Variants in PTGES3 observed in about 807,000 individuals in gnomAD.
PTGES3 encodes Hsp90 co-chaperone.
In PTGES3, 5 loss-of-function variants were observed where a neutral mutation model predicts 29.9. The ratio of observed to expected loss-of-function variants is 0.17; its 90% CI spans 0.09 to 0.35. The LOEUF (loss-of-function observed/expected upper bound fraction) is 0.35. PTGES3 is among the 10% of genes least tolerant of loss of function. The pLI is 1.00. For missense variants in PTGES3, 128 were observed against 190.0 expected (o/e 0.67, Z 1.92); for synonymous variants, 49 against 57.8 (o/e 0.85, Z 0.69).
At chr12:56,680,353 G>C (rs1039624124) in intron 1 of PTGES3, among the ~76,000 whole-genome samples, 1 of 151,520 alleles carries the variant, frequency 6.6e-6, no homozygotes, top group African/African-American at 2.4e-5. Flanking sequence ...GGGATTATAG[G>C]TGTGAGTCAC....
chr12:56,669,007 ATTTTTTT>A (rs577249197), intron 5 of PTGES3, among the ~76,000 whole-genome samples: 1 of 97,074 alleles, frequency 1.0e-5, no homozygotes, highest in African/African-American at 4.0e-5. Context: ...TTCACCATGA[ATTTTTTT>A]TTTTTTTTTT....
chr12:56,683,914 C>A (rs1205946430), intron 1 of PTGES3, among the ~76,000 whole-genome samples: 1 of 148,532 alleles, frequency 6.7e-6, no homozygotes, highest in Admixed American at 6.8e-5. Flanking sequence ...GAGCCGAGAT[C>A]GCGCCACTGC....
chr12:56,676,586 TAA>T (rs1163052357), intron 1 of PTGES3, among the ~76,000 whole-genome samples: 10 of 152,022 alleles, frequency 6.6e-5, no homozygotes, highest in African/African-American at 7.2e-5. Context: ...GTAATTTTTT[TAA>T]AAAAAGAGTG....
chr12:56,688,071 A>C lies in PTGES3; in HGVS notation c.-72T>G, dbSNP rs556493231. ...GGCGGCGGCTGCTGCTAGGGAGTCG[A>C]CTTCTCTCCGGTGGCGACTCCGCTT... is the stretch of plus-strand genomic sequence containing the variant. On this transcript the variant is annotated 5_prime_UTR_variant, in exon 1 of 8. Transcript: ENST00000262033. The C allele has an allele frequency of 1.1e-5, 16 of 1,442,338 alleles. No individual in the cohort carries two copies. In the Admixed American group the frequency reaches 2.9e-4, roughly 26 times the overall value. 89.3% of individuals were successfully genotyped at this position (1,442,338 alleles called of 1,614,324 possible).
chr12:56,664,194 C>T lies in PTGES3; in HGVS notation c.*285G>A, dbSNP rs372378981. On this transcript the variant is annotated 3_prime_UTR_variant, in exon 8 of 8. Transcript: ENST00000262033. ...ACTTAGGTGAGATGTTTTTATTTAT[C>T]GCAACTGCTGCATTAATTGCCTAGG... 24 of 273,134 alleles carry T rather than the reference C, an allele frequency of 8.8e-5. No homozygotes were observed. The highest frequency in any genetic ancestry group is 4.3e-4 in the African/African-American group (19 of 43,988). The allele number at this position is 273,134 out of a possible 1,614,324, so 16.9% of individuals were successfully genotyped here. A position where few individuals can be genotyped will look rare whatever the true frequency, so the allele number is the denominator to read the frequency against.
At chr12:56,676,015 C>A (rs550398432) in intron 1 of PTGES3, among the ~76,000 whole-genome samples, 1 of 151,964 alleles carries the variant, frequency 6.6e-6, no homozygotes, top group East Asian at 1.9e-4. Flanking sequence ...TCACCTGGGG[C>A]TGGGAGTTTG....
In PTGES3 at chr12:56,663,906, T is replaced by C. The variant is rs763215280; in HGVS notation, c.*573A>G. 6.5e-6 allele frequency: 1 copy of C among 152,904 alleles called. No homozygotes were observed. Among genetic ancestry groups the C allele is most frequent in the South Asian group, 2.1e-4 (1 of 4,852 alleles). The allele number at this position is 152,904 out of a possible 1,614,324, so 9.5% of individuals were successfully genotyped here. A position where few individuals can be genotyped will look rare whatever the true frequency, so the allele number is the denominator to read the frequency against. ...TTCAAAAACCATCTAAGTTAGGGCATTCTCTAGTTTTAGCTAAGATACACC... is the reference window on the plus strand; with the variant it reads ...TTCAAAAACCATCTAAGTTAGGGCACTCTCTAGTTTTAGCTAAGATACACC... On this transcript the variant is annotated 3_prime_UTR_variant, in exon 8 of 8. Transcript: ENST00000262033.
At chr12:56,678,254 A>AG (rs1952361114) in intron 1 of PTGES3, among the ~76,000 whole-genome samples, 1 of 151,980 alleles carries the variant, frequency 6.6e-6, no homozygotes, top group Non-Finnish European at 1.5e-5. Flanking sequence ...CTCGGCTCAC[A>AG]GCAGCTTCTG....
Position 56,688,060 on chromosome 12 carries a change from C to T in PTGES3, c.-61G>A. The stretch of plus-strand genomic sequence containing the variant: ...CGGGCCTCTCTGGCGGCGGCTGCTG[C>T]TAGGGAGTCGACTTCTCTCCGGTGG... On this transcript the variant is annotated 5_prime_UTR_variant, in exon 1 of 8. Coordinates refer to ENST00000262033, the MANE Select transcript of PTGES3 (RefSeq NM_006601.7). The T allele has an allele frequency of 6.8e-7, 1 of 1,474,990 alleles. No homozygotes were observed. The highest frequency in any genetic ancestry group is 9.0e-7 in the Non-Finnish European group (1 of 1,111,282). The allele number at this position is 1,474,990 out of a possible 1,614,324, so 91.4% of individuals were successfully genotyped here. A position where few individuals can be genotyped will look rare whatever the true frequency, so the allele number is the denominator to read the frequency against.
intron 5 of PTGES3, 83 bp downstream of exon 5, chr12:56,670,192 G>C: frequency 1.1e-6 from 1 of 899,314 alleles, no homozygotes; most frequent in Non-Finnish European, 1.8e-6. Context: ...AATACCATTA[G>C]GTGCCCAAAA....
intron 5 of PTGES3, among the ~76,000 whole-genome samples, chr12:56,666,847 G>C (rs572071238): frequency 3.3e-5 from 5 of 152,038 alleles, no homozygotes; most frequent in African/African-American, 1.2e-4. Flanking sequence ...GGCTGGTCTC[G>C]AATTCCTGGG....
rs558951919 is a variant in PTGES3, at chr12:56,671,689, C to T, written c.285+60G>A. 90 of 1,092,022 alleles carry T rather than the reference C, an allele frequency of 8.2e-5. 1 individual carries two copies. The South Asian group carries it at 1.4e-3, about 16-fold the overall frequency. 67.6% of individuals were successfully genotyped at this position (1,092,022 alleles called of 1,614,324 possible). On this transcript the variant is annotated intron_variant, in intron 4 of 7. Transcript: ENST00000262033. ...CCATATTCCTTACATCAAATAAGTA[C>T]ATCTTTTATTACCTAAAATAAAAAT...
intron 5 of PTGES3, 30 bp from the exon 6 acceptor site, chr12:56,666,296 A>G: frequency 6.3e-7 from 1 of 1,597,632 alleles, no homozygotes; most frequent in Non-Finnish European, 8.5e-7. Flanking sequence ...TAGTTTTAAA[A>G]ATGATGTTAA....
At chr12:56,670,398 G>T in intron 4 of PTGES3, 34 bp from the exon 5 acceptor site, 2 of 1,474,290 alleles carry the variant, frequency 1.4e-6, no homozygotes, top group Non-Finnish European at 1.9e-6. Context: ...CCTAAGATTA[G>T]GCTAATTTGC....
At chr12:56,664,837 A>G (rs778729993) in intron 6 of PTGES3, 37 bp from the exon 7 acceptor site, 1 of 1,590,414 alleles carries the variant, frequency 6.3e-7, no homozygotes. Context: ...AGCTGATCAA[A>G]TATTCGTTTG....
chr12:56,674,965 T>C (rs1291669354), intron 1 of PTGES3, among the ~76,000 whole-genome samples: 4 of 122,872 alleles, frequency 3.3e-5, no homozygotes, highest in African/African-American at 1.3e-4. Context: ...GATCAGGCCA[T>C]TGCACTCCAG....
At chr12:56,682,754 C>A (rs1435907272) in intron 1 of PTGES3, among the ~76,000 whole-genome samples, 1 of 144,014 alleles carries the variant, frequency 6.9e-6, no homozygotes, top group Admixed American at 7.0e-5. Flanking sequence ...CGTGGTGGCT[C>A]ACACCTGTAA....
At chr12:56,686,998 CT>C in intron 1 of PTGES3, 1 of 266,806 alleles carries the variant, frequency 3.7e-6, no homozygotes, top group Non-Finnish European at 6.7e-6. Context: ...GAAAAATAAC[CT>C]CCCGTCAAAA....
At chr12:56,671,315 T>C (rs1168593143) in intron 4 of PTGES3, among the ~76,000 whole-genome samples, 2 of 152,074 alleles carry the variant, frequency 1.3e-5, no homozygotes, top group Admixed American at 6.6e-5. Context: ...GGAGGATCAC[T>C]TGGAGCCTGG....
Sources: allele counts gnomAD v4.1 joint callset (sites outside exome capture counted in the v4.1 genomes callset), GRCh38; gene constraint gnomAD v4.1.1; transcripts MANE v1.5; gene names NCBI Gene and HGNC (gene_info 2026-07-23, HGNC 2026-07-21).